CSRNP3: variants seen among roughly 807,000 people sequenced by gnomAD.
CSRNP3 encodes the protein cysteine/serine-rich nuclear protein 3.
A neutral mutation model predicts 48.0 loss-of-function variants in CSRNP3; 12 were observed. The observed-to-expected ratio is 0.25, with a 90% confidence interval of 0.16 to 0.41. The LOEUF (loss-of-function observed/expected upper bound fraction) is 0.41. Ranked by LOEUF, CSRNP3 falls within the 10% of genes least tolerant of loss-of-function variation. CSRNP3 has a pLI of 1.00. For synonymous variants in CSRNP3, 263 were observed against 269.7 expected (o/e 0.98, Z 0.24); for missense variants, 580 against 724.4 (o/e 0.80, Z 2.29).
chr2:165,512,044 A>G (rs555102822), intron 2 of CSRNP3, among the ~76,000 whole-genome samples: 5 of 152,310 alleles, frequency 3.3e-5, no homozygotes, highest in African/African-American at 1.2e-4. Context: ...TCAGTAAGTG[A>G]GGAAGTGTGA....
At chr2:165,489,072 A>G (rs1387814770) in intron 1 of CSRNP3, among the ~76,000 whole-genome samples, 1 of 148,238 alleles carries the variant, frequency 6.7e-6, no homozygotes, top group Non-Finnish European at 1.5e-5. Context: ...AGAGAAAAAG[A>G]GAGAAGAATC....
intron 3 of CSRNP3, among the ~76,000 whole-genome samples, chr2:165,579,521 A>G (rs1685506921): frequency 6.6e-6 from 1 of 152,136 alleles, no homozygotes; most frequent in Non-Finnish European, 1.5e-5. Context: ...TCTCTGCTCC[A>G]TCCAGAGTTT....
chr2:165,633,650 A>G (rs1279930857), intron 4 of CSRNP3, among the ~76,000 whole-genome samples: 12 of 152,204 alleles, frequency 7.9e-5, no homozygotes, highest in Admixed American at 6.5e-4. Context: ...AAACCATGCT[A>G]GCCTATTCAG....
chr2:165,649,739 T>A (rs553489142), intron 4 of CSRNP3, among the ~76,000 whole-genome samples: 1 of 152,336 alleles, frequency 6.6e-6, no homozygotes, highest in East Asian at 1.9e-4. Flanking sequence ...TTTTGAATGC[T>A]ACTTTCATAG....
At chr2:165,612,634 C>G (rs903367791) in intron 4 of CSRNP3, among the ~76,000 whole-genome samples, 5 of 151,768 alleles carry the variant, frequency 3.3e-5, no homozygotes, top group African/African-American at 1.2e-4. Context: ...TTTTATTAGC[C>G]CAAATTTTTT....
At chr2:165,631,290 G>T (rs1348368194) in intron 4 of CSRNP3, among the ~76,000 whole-genome samples, 3 of 152,152 alleles carry the variant, frequency 2.0e-5, no homozygotes, top group Non-Finnish European at 4.4e-5. Context: ...AATTGGCTCT[G>T]CCTGTAAATT....
At chr2:165,523,296 G>A (rs1266216763) in intron 3 of CSRNP3, among the ~76,000 whole-genome samples, 1 of 151,766 alleles carries the variant, frequency 6.6e-6, no homozygotes, top group Non-Finnish European at 1.5e-5. Context: ...TTTCTTCCTT[G>A]CTAGCCCTTT....
intron 3 of CSRNP3, among the ~76,000 whole-genome samples, chr2:165,581,809 T>A (rs1685552408): frequency 6.6e-6 from 1 of 152,114 alleles, no homozygotes; most frequent in Non-Finnish European, 1.5e-5. Context: ...AGTGCTAGGA[T>A]TACAGGCATG....
chr2:165,620,589 T>C (rs10174390), intron 4 of CSRNP3, among the ~76,000 whole-genome samples: 2 of 152,110 alleles, frequency 1.3e-5, no homozygotes, highest in South Asian at 2.1e-4. Context: ...AGATGTCTCT[T>C]TCATTTACAA....
At chr2:165,504,102 GTATC>G (rs1213850640) in intron 2 of CSRNP3, among the ~76,000 whole-genome samples, 1 of 151,858 alleles carries the variant, frequency 6.6e-6, no homozygotes, top group African/African-American at 2.4e-5. Context: ...TTTCACATGA[GTATC>G]TAATTAATCT....
chr2:165,552,464 G>A (rs927756181), intron 3 of CSRNP3, among the ~76,000 whole-genome samples: 5 of 152,198 alleles, frequency 3.3e-5, no homozygotes, highest in South Asian at 2.1e-4. Flanking sequence ...AACTGTGGAC[G>A]CAATAGGATA....
At chr2:165,621,097 A>G (rs1436524603) in intron 4 of CSRNP3, among the ~76,000 whole-genome samples, 1 of 152,062 alleles carries the variant, frequency 6.6e-6, no homozygotes, top group Non-Finnish European at 1.5e-5. Flanking sequence ...TAAATATATG[A>G]TCACATTAAG....
At chr2:165,529,021 C>T (rs563606683) in intron 3 of CSRNP3, among the ~76,000 whole-genome samples, 190 of 151,790 alleles carry the variant, frequency 1.3e-3, no homozygotes, top group African/African-American at 4.3e-3. Context: ...CTGCCCAAAC[C>T]ACGGCTTTGG....
At chr2:165,596,624 T>C (rs2105296692) in intron 4 of CSRNP3, among the ~76,000 whole-genome samples, 1 of 152,314 alleles carries the variant, frequency 6.6e-6, no homozygotes, top group Non-Finnish European at 1.5e-5. Context: ...AAAGTTATTG[T>C]GTGATGTAGG....
intron 3 of CSRNP3, among the ~76,000 whole-genome samples, chr2:165,526,775 A>T (rs951747267): frequency 6.6e-6 from 1 of 152,290 alleles, no homozygotes; most frequent in Middle Eastern, 3.4e-3. Context: ...AATACATTCA[A>T]CACTGATGAG....
At chr2:165,580,078 G>A (rs1188047379) in intron 3 of CSRNP3, among the ~76,000 whole-genome samples, 1 of 151,774 alleles carries the variant, frequency 6.6e-6, no homozygotes, top group East Asian at 1.9e-4. Context: ...ACAGGCGCCT[G>A]CCACCACGCC....
At chr2:165,480,077 T>G (rs1684019372) in intron 1 of CSRNP3, among the ~76,000 whole-genome samples, 1 of 152,166 alleles carries the variant, frequency 6.6e-6, no homozygotes, top group African/African-American at 2.4e-5. Flanking sequence ...TGTTTCCTGC[T>G]GCCTGTCAGC....
rs560676250 is a variant in CSRNP3 at position 165,585,144 on chromosome 2, A to C, written c.-23-9899A>C. Among the ~76,000 whole-genome samples, 17 of 152,322 alleles carry C rather than the reference A, an allele frequency of 1.1e-4. No individual in the cohort carries two copies. In the East Asian group the frequency reaches 3.1e-3, roughly 28 times the overall value. ...TAAACTAACAGTTAAACATTTGTTC[A>C]GGTATTTAGGAACATTTGGTTAACT... is the stretch of plus-strand genomic sequence containing the variant. On this transcript the variant is annotated intron_variant, in intron 3 of 6. Coordinates refer to ENST00000651982, the MANE Select transcript of CSRNP3 (RefSeq NM_001172173.2).
chr2:165,646,201 A>G (rs1050127649), intron 4 of CSRNP3, among the ~76,000 whole-genome samples: 1 of 152,146 alleles, frequency 6.6e-6, no homozygotes, highest in African/African-American at 2.4e-5. Context: ...TTTTTTAAGC[A>G]TGCATCAAGA....
Sources: allele counts gnomAD v4.1 joint callset (sites outside exome capture counted in the v4.1 genomes callset), GRCh38; gene constraint gnomAD v4.1.1; transcripts MANE v1.5; gene names NCBI Gene and HGNC (gene_info 2026-07-23, HGNC 2026-07-21).